OSTF1: variants seen among roughly 807,000 people sequenced by gnomAD.
OSTF1 encodes osteoclast-stimulating factor 1.
Under a neutral mutation model 37.2 loss-of-function variants are expected in OSTF1, and 27 were observed. The observed-to-expected ratio is 0.73, with a 90% CI of 0.54 to 1.00. The LOEUF (loss-of-function observed/expected upper bound fraction) is 1.00. OSTF1 is among the 50% of genes least tolerant of loss of function. The pLI, the probability that OSTF1 is intolerant of heterozygous loss-of-function variation, is 0.00. For missense variants in OSTF1, 232 were observed against 253.8 expected (o/e 0.91, Z 0.58); for synonymous variants, 82 against 89.2 (o/e 0.92, Z 0.46).
chr9:75,136,619 T>C (rs1401204366), intron 7 of OSTF1, among the ~76,000 whole-genome samples: 2 of 152,206 alleles, frequency 1.3e-5, no homozygotes, highest in South Asian at 4.1e-4. Context: ...CTCGAACTCC[T>C]GACTTCAGGT....
At chr9:75,129,184 C>T (rs1207493270) in intron 3 of OSTF1, among the ~76,000 whole-genome samples, 1 of 152,176 alleles carries the variant, frequency 6.6e-6, no homozygotes, top group Admixed American at 6.5e-5. Context: ...AGAATTGAAA[C>T]CCATTAAATA....
chr9:75,093,202 C>A (rs1273939326), intron 1 of OSTF1, among the ~76,000 whole-genome samples: 1 of 151,772 alleles, frequency 6.6e-6, no homozygotes, highest in Non-Finnish European at 1.5e-5. Flanking sequence ...CTGGCTGAGA[C>A]CCTCCTTTCC....
chr9:75,088,800 A>G (rs2118336593), intron 1 of OSTF1, 74 bp downstream of exon 1: 1 of 1,439,034 alleles, frequency 6.9e-7, no homozygotes, highest in Non-Finnish European at 9.6e-7. Flanking sequence ...GCAGCTTGGC[A>G]GGGAGGACCC....
chr9:75,134,282 T>A (rs1047635566), intron 6 of OSTF1, 64 bp from the exon 7 acceptor site: 2 of 677,592 alleles, frequency 3.0e-6, no homozygotes, highest in African/African-American at 3.7e-5. Context: ...AAAATTATTG[T>A]ACCTAGATTT....
In OSTF1 at chr9:75,144,782, A is replaced by C. The variant is rs966843501; in HGVS notation, c.587-1901A>C. 5.2e-4 allele frequency among the ~76,000 whole-genome samples: 79 copies of C among 151,794 alleles called. 2 individuals are homozygous for C. Among genetic ancestry groups the C allele is most frequent in the Admixed American group, 4.6e-4 (7 of 15,246 alleles). ...ATATCTTGTCCTTGTCCAAACTTCC[A>C]TTTTCTCATACATCTTTGTTTTTAC... On this transcript the variant is annotated intron_variant, in intron 9 of 9. Transcript: ENST00000346234.
chr9:75,118,937 A>G (rs534169210), intron 2 of OSTF1, among the ~76,000 whole-genome samples: 7 of 152,242 alleles, frequency 4.6e-5, no homozygotes, highest in Admixed American at 4.6e-4. Context: ...ACCTGCTATC[A>G]TTGACTTTTC....
chr9:75,100,785 C>T (rs1251323996), intron 1 of OSTF1, among the ~76,000 whole-genome samples: 2 of 151,868 alleles, frequency 1.3e-5, no homozygotes, highest in African/African-American at 4.8e-5. Context: ...AGGTCTGACC[C>T]GGGGCCTTGG....
chr9:75,128,130 C>T (rs1352861364), intron 3 of OSTF1, among the ~76,000 whole-genome samples: 1 of 151,310 alleles, frequency 6.6e-6, no homozygotes, highest in African/African-American at 2.4e-5. Flanking sequence ...GGAAGATAGA[C>T]TTTTTAGAAA....
chr9:75,101,157 A>G (rs1455745773), intron 1 of OSTF1, among the ~76,000 whole-genome samples: 1 of 152,112 alleles, frequency 6.6e-6, no homozygotes, highest in Non-Finnish European at 1.5e-5. Context: ...CTCGACTCTC[A>G]GGACCGGGCC....
rs778009294 is a variant in OSTF1, at chr9:75,117,546, G to A, written c.77G>A (p.Arg26Lys). 5 of 1,606,014 alleles carry A rather than the reference G, an allele frequency of 3.1e-6. No homozygotes were observed. The highest frequency in any genetic ancestry group is 4.3e-6 in the Non-Finnish European group (5 of 1,173,670). ...AGAGCCCTGTATACGTTTGAACCCA[G>A]AACTGTAAGTGTTCAGTTTTTAACT... ...VFRALYTFEP[R>K]TPDELYFEEG... The change falls in exon 2 of 10, where the codon AGA (arginine) becomes AAA (lysine). Residue 26 changes from arginine to lysine, a missense_variant. Arg to Lys is a conservative substitution (Grantham distance 26). Coordinates refer to ENST00000346234, the MANE Select transcript of OSTF1 (RefSeq NM_012383.5).
Position 75,127,607 on chromosome 9 carries a change from C to A in OSTF1, c.120C>A (p.Tyr40Ter). The A allele has an allele frequency of 6.4e-7, 1 of 1,572,378 alleles. No individual in the cohort carries two copies. The highest frequency in any genetic ancestry group is 1.2e-5 in the South Asian group (1 of 86,304). ...ACTTTGAGGAAGGTGATATTATCTA[C>A]ATTACTGACATGGTAAGTCCAGATA... is the stretch of plus-strand genomic sequence containing the variant. ...ELYFEEGDIIYITDMSDTNWW... is the reference protein window; with the variant it reads ...ELYFEEGDII Residue 40 changes from tyrosine to a stop codon, truncating the protein, a stop_gained, in exon 3 of 10, where the codon TAC becomes TAA. Transcript: ENST00000346234. LOFTEE classifies it high-confidence loss of function.
chr9:75,089,758 A>G (rs1587428309), intron 1 of OSTF1, among the ~76,000 whole-genome samples: 1 of 152,204 alleles, frequency 6.6e-6, no homozygotes, highest in East Asian at 1.9e-4. Flanking sequence ...ATTTACGTCA[A>G]ATTTTGAAGT....
chr9:75,088,872 GT>G, intron 1 of OSTF1, 146 bp downstream of exon 1: 1 of 723,092 alleles, frequency 1.4e-6, no homozygotes, highest in Non-Finnish European at 2.4e-6. Context: ...GGCGCTCTTA[GT>G]TTTGCGTTCG....
chr9:75,089,028 G>A (rs777058812), intron 1 of OSTF1, among the ~76,000 whole-genome samples: 6 of 152,100 alleles, frequency 3.9e-5, no homozygotes, highest in Admixed American at 6.5e-5. Context: ...ACGTCCCATG[G>A]AAGTTTTCCG....
At chr9:75,124,662 AC>A (rs1339756527) in intron 2 of OSTF1, among the ~76,000 whole-genome samples, 1 of 152,204 alleles carries the variant, frequency 6.6e-6, no homozygotes, top group Non-Finnish European at 1.5e-5. Flanking sequence ...TCAACCCTGT[AC>A]CCATTAAACA....
At chr9:75,095,429 G>T (rs1401587759) in intron 1 of OSTF1, among the ~76,000 whole-genome samples, 1 of 152,196 alleles carries the variant, frequency 6.6e-6, no homozygotes, top group Non-Finnish European at 1.5e-5. Context: ...GAAGCATGGG[G>T]CAAGGAGCTT....
chr9:75,108,315 A>G (rs1436031155), intron 1 of OSTF1, among the ~76,000 whole-genome samples: 1 of 150,440 alleles, frequency 6.6e-6, no homozygotes, highest in African/African-American at 2.5e-5. Context: ...TCTAAATGTA[A>G]CAGTTACAAT....
chr9:75,133,687 C>G (rs1438529946), intron 6 of OSTF1, among the ~76,000 whole-genome samples: 1 of 152,166 alleles, frequency 6.6e-6, no homozygotes, highest in African/African-American at 2.4e-5. Context: ...AAAAACAAAA[C>G]CACTGTCTAA....
At position 75,088,616 on chromosome 9, in the gene OSTF1, T is replaced by G; in HGVS notation, c.-77T>G. On this transcript the variant is annotated 5_prime_UTR_variant, in exon 1 of 10. Coordinates refer to ENST00000346234, the MANE Select transcript of OSTF1 (RefSeq NM_012383.5). The stretch of plus-strand genomic sequence containing the variant: ...GTAAGCCAGACAAAAAGAACTGGGG[T>G]GCCCGGAGTGCCAGGTGGCGGGCAA... 6.8e-7 allele frequency: 1 copy of G among 1,462,458 alleles called. No individual in the cohort carries two copies. The highest frequency in any genetic ancestry group is 9.4e-7 in the Non-Finnish European group (1 of 1,061,264). The allele number at this position is 1,462,458 out of a possible 1,614,324, so 90.6% of individuals were successfully genotyped here.
Sources: gnomAD v4.1 joint callset for allele counts (sites outside exome capture counted in the v4.1 genomes callset) on GRCh38, gnomAD v4.1.1 for gene constraint, MANE v1.5 for transcripts, NCBI Gene and HGNC (gene_info 2026-07-23, HGNC 2026-07-21) for gene names.